Variants in GTF2H5 observed in about 807,000 individuals in gnomAD.
GTF2H5 encodes general transcription factor IIH subunit 5, also known as TFB5 ortholog.
A neutral mutation model predicts 7.1 loss-of-function variants in GTF2H5; 5 were observed. The ratio of observed to expected loss-of-function variants is 0.71; its 90% CI spans 0.37 to 1.49. GTF2H5 has a LOEUF of 1.49. Among genes scored for constraint, GTF2H5 ranks in the 40% most tolerant of loss-of-function variants. GTF2H5 has a pLI of 0.03. For synonymous variants in GTF2H5, 30 were observed against 31.7 expected (o/e 0.95, Z 0.18); for missense variants, 80 against 83.0 (o/e 0.96, Z 0.14).
intron 2 of GTF2H5, 119 bp from the exon 3 acceptor site, chr6:158,191,856 ATT>A (rs1777032147): frequency 4.0e-6 from 3 of 757,998 alleles, no homozygotes; most frequent in Non-Finnish European, 2.3e-6. Context: ...GAAGTGAGGG[ATT>A]GAGTAACAGA....
chr6:158,184,719 A>G (rs1359823227), intron 2 of GTF2H5, among the ~76,000 whole-genome samples: 1 of 152,228 alleles, frequency 6.6e-6, no homozygotes, highest in African/African-American at 2.4e-5. Context: ...TTTTTTAAGT[A>G]ATATCTGTTG....
chr6:158,169,402 T>TTATATATAATATATAATA (rs1326034888), intron 1 of GTF2H5, among the ~76,000 whole-genome samples: 1 of 79,866 alleles, frequency 1.3e-5, no homozygotes, highest in Non-Finnish European at 2.1e-5. Flanking sequence ...TAATATTATA[T>TTATATATAATATATAATA]TGTATATTAT....
chr6:158,199,188 G>A lies in GTF2H5; in HGVS notation c.*7031G>A, dbSNP rs774169252. On this transcript the variant is annotated 3_prime_UTR_variant, in exon 3 of 3. Coordinates refer to ENST00000607778, the MANE Select transcript of GTF2H5 (RefSeq NM_207118.3). ...TCTTGGCTACTGAGCTTTTGGTTAC[G>A]TTGCACTCCCTTTAAAATTACTCCG... 4 of 151,456 alleles carry A rather than the reference G, an allele frequency of 2.6e-5. No homozygotes were observed. Among genetic ancestry groups the A allele is most frequent in the Non-Finnish European group, 4.4e-5 (3 of 68,014 alleles). The allele number at this position is 151,456 out of a possible 1,614,324, so 9.4% of individuals were successfully genotyped here.
chr6:158,169,530 G>A lies in GTF2H5; in HGVS notation c.-34-940G>A, dbSNP rs1452723134. ...TATTGTATATTATATATAATATACA[G>A]TATATTATATATAATATACTGTATA... is the stretch of plus-strand genomic sequence containing the variant. On this transcript the variant is annotated intron_variant, in intron 1 of 2. Coordinates refer to ENST00000607778, the MANE Select transcript of GTF2H5 (RefSeq NM_207118.3). 5.2e-4 allele frequency among the ~76,000 whole-genome samples: 38 copies of A among 72,774 alleles called. 1 individual carries two copies. In the East Asian group the frequency reaches 5.2e-3, roughly 10 times the overall value. The allele number at this position is 72,774 out of a possible 152,430, so 47.7% of individuals were successfully genotyped here.
At chr6:158,173,504 TATG>T (rs1026344361) in intron 2 of GTF2H5, among the ~76,000 whole-genome samples, 5 of 152,208 alleles carry the variant, frequency 3.3e-5, no homozygotes, top group Non-Finnish European at 7.3e-5. Context: ...CTGTTAATAA[TATG>T]ATTATCAGTA....
chr6:158,171,752 G>A (rs1006895687), intron 2 of GTF2H5, among the ~76,000 whole-genome samples: 3 of 152,192 alleles, frequency 2.0e-5, no homozygotes, highest in Non-Finnish European at 4.4e-5. Flanking sequence ...ATTGGTAGCT[G>A]ACGAAGGACA....
At chr6:158,169,384 A>G (rs1583623352) in intron 1 of GTF2H5, among the ~76,000 whole-genome samples, 1 of 97,686 alleles carries the variant, frequency 1.0e-5, no homozygotes, top group South Asian at 2.7e-4. Flanking sequence ...TATATTATAT[A>G]TTATATATAA....
chr6:158,184,144 G>A (rs1489331252), intron 2 of GTF2H5, among the ~76,000 whole-genome samples: 2 of 152,108 alleles, frequency 1.3e-5, no homozygotes, highest in African/African-American at 2.4e-5. Context: ...GAGCACAGAA[G>A]AATGGCTATT....
chr6:158,182,435 G>T (rs879615711), intron 2 of GTF2H5, among the ~76,000 whole-genome samples: 1 of 152,102 alleles, frequency 6.6e-6, no homozygotes, highest in Admixed American at 6.6e-5. Flanking sequence ...TTGCTAGGTT[G>T]GGGAAATTCT....
intron 2 of GTF2H5, among the ~76,000 whole-genome samples, chr6:158,191,556 C>T (rs1216644615): frequency 6.6e-6 from 1 of 151,774 alleles, no homozygotes. Flanking sequence ...GATCTCCGCT[C>T]ACTGCAAGCT....
rs1366744871 is a variant in GTF2H5 at position 158,196,192 on chromosome 6, G to A, written c.*4035G>A. 1.3e-5 allele frequency: 2 copies of A among 152,268 alleles called. No homozygotes were observed. The highest frequency in any genetic ancestry group is 2.1e-4 in the South Asian group (1 of 4,830). 9.4% of individuals were successfully genotyped at this position (152,268 alleles called of 1,614,324 possible). A position where few individuals can be genotyped will look rare whatever the true frequency, so the allele number is the denominator to read the frequency against. On this transcript the variant is annotated 3_prime_UTR_variant, in exon 3 of 3. Transcript: ENST00000607778. Reference sequence around the variant, plus strand: ...AGCTACTCGGGAGGCTGAGGCAGGAGAATGGTGTAATCCCGGGAGGTGGAG... The same window carrying A: ...AGCTACTCGGGAGGCTGAGGCAGGAAAATGGTGTAATCCCGGGAGGTGGAG...
intron 1 of GTF2H5, among the ~76,000 whole-genome samples, chr6:158,169,771 T>TTATATAATATATAATATAC (rs1785813273): frequency 1.1e-5 from 1 of 90,844 alleles, no homozygotes; most frequent in South Asian, 3.1e-4. Flanking sequence ...ATATTATATA[T>TTATATAATATATAATATAC]AATATATTGT....
In GTF2H5 at chr6:158,195,626, A is replaced by G. The variant is rs1275928624; in HGVS notation, c.*3469A>G. On this transcript the variant is annotated 3_prime_UTR_variant, in exon 3 of 3. Transcript: ENST00000607778. ...GATTTTATTGCTCTTTACATTTTCT[A>G]GAACAGGTGATTTGACATAATTGTA... is the stretch of plus-strand genomic sequence containing the variant. 2.6e-5 allele frequency: 4 copies of G among 152,226 alleles called. No individual in the cohort carries two copies. The highest frequency in any genetic ancestry group is 1.3e-4 in the Admixed American group (2 of 15,282). 9.4% of individuals were successfully genotyped at this position (152,226 alleles called of 1,614,324 possible). A position where few individuals can be genotyped will look rare whatever the true frequency, so the allele number is the denominator to read the frequency against.
At chr6:158,169,766 A>G (rs923556893) in intron 1 of GTF2H5, among the ~76,000 whole-genome samples, 1,020 of 57,014 alleles carry the variant, frequency 0.018, 107 homozygotes, top group Non-Finnish European at 0.027. Context: ...ATTGTATATT[A>G]TATATAATAT....
At chr6:158,179,466 TC>T (rs1785978476) in intron 2 of GTF2H5, among the ~76,000 whole-genome samples, 2 of 152,220 alleles carry the variant, frequency 1.3e-5, no homozygotes, top group South Asian at 4.1e-4. Flanking sequence ...TATTGATTCT[TC>T]CTATCCACGA....
chr6:158,170,927 A>G (rs944321079), intron 2 of GTF2H5, among the ~76,000 whole-genome samples: 8 of 152,248 alleles, frequency 5.3e-5, no homozygotes, highest in Non-Finnish European at 1.0e-4. Flanking sequence ...TCCTTTAGGT[A>G]CATTCCAGAG....
intron 1 of GTF2H5, among the ~76,000 whole-genome samples, chr6:158,169,102 C>T (rs1032990005): frequency 1.3e-4 from 20 of 150,804 alleles, no homozygotes; most frequent in Non-Finnish European, 2.4e-4. Context: ...GGCGTGGTGG[C>T]GGGCGCCTGT....
At chr6:158,168,613 G>A (rs538446060) in intron 1 of GTF2H5, among the ~76,000 whole-genome samples, 179 of 152,308 alleles carry the variant, frequency 1.2e-3, no homozygotes, top group African/African-American at 4.1e-3. Flanking sequence ...GCTAGGGCTC[G>A]CCCTGCGCCC....
intron 1 of GTF2H5, among the ~76,000 whole-genome samples, chr6:158,169,822 A>T (rs1402720853): frequency 3.1e-5 from 3 of 96,992 alleles, no homozygotes; most frequent in Non-Finnish European, 5.6e-5. Flanking sequence ...ATTATATATA[A>T]AAGTGTGTAT....
Sources: gnomAD v4.1 joint callset for allele counts (sites outside exome capture counted in the v4.1 genomes callset) on GRCh38, gnomAD v4.1.1 for gene constraint, MANE v1.5 for transcripts, NCBI Gene and HGNC (gene_info 2026-07-23, HGNC 2026-07-21) for gene names.